The following BHMT2 variants were observed in gnomAD, a reference collection of about 807,000 sequenced individuals.
BHMT2 encodes the protein betaine--homocysteine S-methyltransferase 2.
A neutral mutation model predicts 39.0 loss-of-function variants in BHMT2; 28 were observed. The observed-to-expected ratio is 0.72, with a 90% CI of 0.53 to 0.98. The LOEUF (loss-of-function observed/expected upper bound fraction) is 0.98. BHMT2 is among the 50% of genes least tolerant of loss of function. The pLI is 0.00. For synonymous variants in BHMT2, 145 were observed against 160.6 expected, an observed-to-expected ratio of 0.90 and a Z score of 0.74; for missense variants, 410 against 455.6, an observed-to-expected ratio of 0.90 and a Z score of 0.91.
intron 4 of BHMT2, among the ~76,000 whole-genome samples, chr5:79,081,585 C>T (rs758785733): frequency 7.9e-5 from 12 of 152,106 alleles, no homozygotes; most frequent in South Asian, 4.1e-4. Flanking sequence ...CCTGGCTTGG[C>T]GCGGTAGCTC....
intron 1 of BHMT2, among the ~76,000 whole-genome samples, chr5:79,070,023 G>C (rs547204405): frequency 1.6e-3 from 240 of 152,324 alleles, no homozygotes; most frequent in Non-Finnish European, 2.7e-3. Flanking sequence ...ACAGAGTGCT[G>C]TGCTCAAGTT....
chr5:79,086,267 A>G (rs893211816), intron 7 of BHMT2, among the ~76,000 whole-genome samples: 2 of 152,200 alleles, frequency 1.3e-5, no homozygotes, highest in Non-Finnish European at 2.9e-5. Context: ...CAGACAAGCC[A>G]TGAGAGTGTG....
chr5:79,085,353 A>C (rs1755873091), intron 7 of BHMT2, among the ~76,000 whole-genome samples: 1 of 152,126 alleles, frequency 6.6e-6, no homozygotes, highest in Non-Finnish European at 1.5e-5. Context: ...TTCCATAATC[A>C]CTTTATTTCA....
At chr5:79,083,951 G>T (rs1222090686) in intron 7 of BHMT2, 95 bp downstream of exon 7, 2 of 1,460,886 alleles carry the variant, frequency 1.4e-6, no homozygotes, top group African/African-American at 2.9e-5. Context: ...AAAAAGTATA[G>T]AAATGTATAA....
At chr5:79,081,321 A>C (rs1034659118) in intron 4 of BHMT2, among the ~76,000 whole-genome samples, 1 of 152,212 alleles carries the variant, frequency 6.6e-6, no homozygotes, top group Non-Finnish European at 1.5e-5. Flanking sequence ...CTCAGCACCC[A>C]GTAGTTTCCA....
intron 4 of BHMT2, among the ~76,000 whole-genome samples, chr5:79,082,218 A>C (rs1330477214): frequency 6.6e-6 from 1 of 152,212 alleles, no homozygotes; most frequent in East Asian, 1.9e-4. Flanking sequence ...CACCCAAGAA[A>C]ATGACATGGG....
At chr5:79,084,613 T>C (rs1012548473) in intron 7 of BHMT2, among the ~76,000 whole-genome samples, 3 of 152,114 alleles carry the variant, frequency 2.0e-5, no homozygotes, top group Non-Finnish European at 2.9e-5. Flanking sequence ...CACCTCCCAG[T>C]GGCTCCACCC....
At chr5:79,088,428 A>G in intron 7 of BHMT2, 65 bp from the exon 8 acceptor site, 1 of 1,145,782 alleles carries the variant, frequency 8.7e-7, no homozygotes. Flanking sequence ...ATATATACAT[A>G]TATGACATAT....
At chr5:79,086,055 T>C (rs1431621176) in intron 7 of BHMT2, among the ~76,000 whole-genome samples, 1 of 152,222 alleles carries the variant, frequency 6.6e-6, no homozygotes, top group Admixed American at 6.5e-5. Context: ...TGGAAACTTT[T>C]GTCTGTACTT....
At chr5:79,072,939 C>T (rs1253414791) in intron 1 of BHMT2, among the ~76,000 whole-genome samples, 1 of 150,064 alleles carries the variant, frequency 6.7e-6, no homozygotes, top group African/African-American at 2.5e-5. Context: ...TGTTTTCCCT[C>T]GACAATTGTT....
intron 1 of BHMT2, among the ~76,000 whole-genome samples, chr5:79,076,902 T>A (rs1755682596): frequency 1.3e-5 from 2 of 152,254 alleles, no homozygotes; most frequent in African/African-American, 4.8e-5. Context: ...CTGCCTCATA[T>A]GGCTGTCAGA....
Position 79,071,845 on chromosome 5 carries a change from A to AAT in BHMT2, c.33+2030_33+2031insAT, listed in dbSNP as rs1554039290. Among the ~76,000 whole-genome samples, 1,105 of 144,442 alleles carry AAT rather than the reference A, an allele frequency of 7.7e-3. 65 individuals are homozygous for AAT. The highest frequency in any genetic ancestry group is 0.027 in the African/African-American group (1,035 of 38,560). 94.8% of individuals were successfully genotyped at this position (144,442 alleles called of 152,430 possible). The stretch of plus-strand genomic sequence containing the variant: ...AGTAAAAAAAAAAAAAAAAAAAAAA[A>AAT]CTAAAGAAGGGATCATACTGGTATA... On this transcript the variant is annotated intron_variant, in intron 1 of 7. Transcript: ENST00000255192.
chr5:79,079,754 G>T (rs1006770477), intron 3 of BHMT2, among the ~76,000 whole-genome samples: 6 of 152,026 alleles, frequency 3.9e-5, no homozygotes, highest in African/African-American at 1.5e-4. Context: ...AAATTAGCTG[G>T]GTGTGGTGGC....
chr5:79,088,330 T>C (rs193302760), intron 7 of BHMT2, among the ~76,000 whole-genome samples, 163 bp from the exon 8 acceptor site: 1 of 151,568 alleles, frequency 6.6e-6, no homozygotes, highest in East Asian at 1.9e-4. Context: ...AAAGTTCTGC[T>C]TTAGCCTGAT....
chr5:79,088,522 T>C lies in BHMT2; in HGVS notation c.1040T>C (p.Leu347Pro), dbSNP rs532321076. The C allele has an allele frequency of 1.2e-6, 2 of 1,614,168 alleles. No individual in the cohort carries two copies. The highest frequency in any genetic ancestry group is 3.3e-5 in the Admixed American group (2 of 60,020). Residue 347 changes from leucine (L) to proline (P), a missense_variant, in exon 8 of 8, where the codon CTG (leucine) becomes CCG (proline). Transcript: ENST00000255192. ...CGAAGGGAGTATTGGGAGAATCTGC[T>C]GCCAGCTTCAGGCAGACCTTTCTGT... Reference protein sequence around the residue: ...RARREYWENLLPASGRPFCPS... With the variant: ...RARREYWENLPPASGRPFCPS...
At chr5:79,087,770 T>C (rs1755929197) in intron 7 of BHMT2, among the ~76,000 whole-genome samples, 1 of 152,256 alleles carries the variant, frequency 6.6e-6, no homozygotes, top group Admixed American at 6.5e-5. Flanking sequence ...TGGAGAATTA[T>C]ACTTTGACTC....
In BHMT2 at chr5:79,088,699, G is replaced by T. The variant is rs946548855; in HGVS notation, c.*125G>T. 1.4e-6 allele frequency: 1 copy of T among 715,344 alleles called. No homozygotes were observed. The highest frequency in any genetic ancestry group is 2.4e-6 in the Non-Finnish European group (1 of 422,928). 44.3% of individuals were successfully genotyped at this position (715,344 alleles called of 1,614,324 possible). A position where few individuals can be genotyped will look rare whatever the true frequency, so the allele number is the denominator to read the frequency against. On this transcript the variant is annotated 3_prime_UTR_variant, in exon 8 of 8. Transcript: ENST00000255192. ...TATCTCCAGCTGCTGAGCAGCTGAGGTGCTGCAGCCCCTTCCCTTCCAGCC... is the reference window on the plus strand; with the variant it reads ...TATCTCCAGCTGCTGAGCAGCTGAGTTGCTGCAGCCCCTTCCCTTCCAGCC...
At chr5:79,077,390 G>T in intron 1 of BHMT2, 90 bp from the exon 2 acceptor site, 10 of 1,495,952 alleles carry the variant, frequency 6.7e-6, no homozygotes, top group Non-Finnish European at 9.0e-6. Flanking sequence ...CTCTAAGAAC[G>T]TAATACCACT....
At chr5:79,075,697 A>G (rs926019399) in intron 1 of BHMT2, among the ~76,000 whole-genome samples, 1 of 152,160 alleles carries the variant, frequency 6.6e-6, no homozygotes, top group Non-Finnish European at 1.5e-5. Context: ...TGAAAAGGTG[A>G]CACTTGACCA....
Sources: allele counts gnomAD v4.1 joint callset (sites outside exome capture counted in the v4.1 genomes callset), GRCh38; gene constraint gnomAD v4.1.1; transcripts MANE v1.5; gene names NCBI Gene and HGNC (gene_info 2026-07-23, HGNC 2026-07-21).